The following FARSB variants were observed in gnomAD, a reference collection of about 807,000 sequenced individuals.
FARSB encodes phenylalanyl-tRNA synthetase subunit beta, also known as phenylalanine--tRNA ligase beta subunit.
Under a neutral mutation model 69.6 loss-of-function variants are expected in FARSB, and 40 were observed. The observed-to-expected ratio is 0.57, with a 90% CI of 0.45 to 0.75. The LOEUF (loss-of-function observed/expected upper bound fraction) is 0.75, where lower values mean the gene tolerates loss of function less well. FARSB is among the 30% of genes least tolerant of loss of function. The pLI, the probability that FARSB is intolerant of heterozygous loss-of-function variation, is 0.00. For synonymous variants in FARSB, 235 were observed against 247.2 expected, an observed-to-expected ratio of 0.95 and a Z score of 0.46; for missense variants, 632 against 722.9, an observed-to-expected ratio of 0.87 and a Z score of 1.44.
intron 11 of FARSB, 73 bp from the exon 12 acceptor site, chr2:222,624,552 T>C (rs1036302113): frequency 3.8e-6 from 4 of 1,063,642 alleles, no homozygotes; most frequent in East Asian, 2.4e-5. Context: ...TTTCAACATA[T>C]GCTACTAGCT....
rs780438070 is a variant in FARSB at position 222,632,840 on chromosome 2, CA to C, written c.715+358del. 8.1e-3 allele frequency among the ~76,000 whole-genome samples: 1,002 copies of C among 123,798 alleles called. 3 individuals carry two copies. The highest frequency in any genetic ancestry group is 0.012 in the Non-Finnish European group (704 of 57,206). 81.2% of individuals were successfully genotyped at this position (123,798 alleles called of 152,430 possible). Reference sequence around the variant, plus strand: ...AAAACAAAACAAAAAACAACAACAACAAAAAAAAAAAACAAAAGAAAAAAAA... The same window carrying C: ...AAAACAAAACAAAAAACAACAACAACAAAAAAAAAAACAAAAGAAAAAAAA... On this transcript the variant is annotated intron_variant, in intron 7 of 16. Coordinates refer to ENST00000281828, the MANE Select transcript of FARSB (RefSeq NM_005687.5).
chr2:222,590,694 G>C (rs1690246533), intron 16 of FARSB, among the ~76,000 whole-genome samples: 2 of 152,092 alleles, frequency 1.3e-5, no homozygotes, highest in African/African-American at 4.8e-5. Context: ...TTGTAGAGAT[G>C]CATCTTGTTG....
At chr2:222,573,702 G>A (rs1044164949) in intron 16 of FARSB, among the ~76,000 whole-genome samples, 4 of 152,100 alleles carry the variant, frequency 2.6e-5, no homozygotes, top group African/African-American at 9.7e-5. Flanking sequence ...AGAACTGGAA[G>A]GACTGCTGGG....
intron 2 of FARSB, among the ~76,000 whole-genome samples, chr2:222,646,343 T>C (rs1363673815): frequency 6.6e-6 from 1 of 152,170 alleles, no homozygotes; most frequent in Non-Finnish European, 1.5e-5. Context: ...TCTTGGGTTA[T>C]GAGGTAAGTT....
chr2:222,585,837 A>G (rs1482578898), intron 16 of FARSB, among the ~76,000 whole-genome samples: 5 of 152,344 alleles, frequency 3.3e-5, no homozygotes, highest in African/African-American at 7.2e-5. Context: ...AGAAATGAAC[A>G]AAGCCTCCAA....
At position 222,571,881 on chromosome 2, in the gene FARSB, G is replaced by T; in HGVS notation, c.1760C>A (p.Pro587His). The T allele has an allele frequency of 6.2e-7, 1 of 1,612,550 alleles. No homozygotes were observed. The highest frequency in any genetic ancestry group is 8.5e-7 in the Non-Finnish European group (1 of 1,179,350). ...CACAGAGACCAATCTTCACAAAAAG[G>T]GTCCAACATTGATTTCTAGGGAGGA... ...PCSSLEINVG[P>H]FL Residue 587 changes from proline to histidine, a missense_variant, in exon 17 of 17, where the codon CCC (proline) becomes CAC (histidine). Pro to His is a moderately conservative substitution (Grantham distance 77). Transcript: ENST00000281828.
intron 10 of FARSB, among the ~76,000 whole-genome samples, chr2:222,625,676 A>C (rs749362858): frequency 2.0e-5 from 3 of 152,352 alleles, no homozygotes; most frequent in Non-Finnish European, 4.4e-5. Flanking sequence ...CAAAGTAATA[A>C]TAACTTTTCT....
intron 14 of FARSB, among the ~76,000 whole-genome samples, chr2:222,617,590 A>G (rs1228908565): frequency 6.6e-6 from 1 of 152,200 alleles, no homozygotes; most frequent in African/African-American, 2.4e-5. Context: ...TCTAAAATAA[A>G]AGTTGACAAA....
chr2:222,618,504 TAC>T (rs1419228615), intron 14 of FARSB, among the ~76,000 whole-genome samples: 1 of 152,146 alleles, frequency 6.6e-6, no homozygotes, highest in African/African-American at 2.4e-5. Context: ...TTAAAAAACA[TAC>T]AGACTTGCAT....
chr2:222,616,777 A>G (rs1056902309), intron 14 of FARSB, among the ~76,000 whole-genome samples: 3 of 152,174 alleles, frequency 2.0e-5, no homozygotes, highest in Non-Finnish European at 4.4e-5. Context: ...AGAATTATGC[A>G]GGAGAAGGAA....
chr2:222,590,932 C>T (rs752548747), intron 16 of FARSB, among the ~76,000 whole-genome samples: 2 of 151,976 alleles, frequency 1.3e-5, no homozygotes, highest in African/African-American at 2.4e-5. Flanking sequence ...TAGTCCTACA[C>T]CTTGATAGAA....
Position 222,647,435 on chromosome 2 carries a change from C to T in FARSB, c.114+1305G>A, listed in dbSNP as rs1184470909. ...TTCCTCCCCAGACCTTGAAATCTGA[C>T]CAGCTTTCAGTTTTACTGACTTGGC... On this transcript the variant is annotated intron_variant, in intron 2 of 16. Coordinates refer to ENST00000281828, the MANE Select transcript of FARSB (RefSeq NM_005687.5). Among the ~76,000 whole-genome samples, 5 of 152,206 alleles carry T rather than the reference C, an allele frequency of 3.3e-5. No individual in the cohort carries two copies. The South Asian group carries it at 8.3e-4, about 25-fold the overall frequency.
At chr2:222,582,920 G>A in intron 16 of FARSB, among the ~76,000 whole-genome samples, 1 of 149,548 alleles carries the variant, frequency 6.7e-6, no homozygotes, top group Admixed American at 6.7e-5. Context: ...GCAAGACTAT[G>A]TCTCCAAAAG....
Position 222,587,035 on chromosome 2 carries a change from C to G in FARSB, c.1618+12893G>C, listed in dbSNP as rs1690133579. On this transcript the variant is annotated intron_variant, in intron 16 of 16. Coordinates refer to ENST00000281828, the MANE Select transcript of FARSB (RefSeq NM_005687.5). ...ATAGACATCTGCAGAACTCTCCATC[C>G]CAAATCAACAGAATATACATTCTTC... 2.0e-5 allele frequency among the ~76,000 whole-genome samples: 3 copies of G among 152,206 alleles called. No homozygotes were observed. The South Asian group carries it at 6.2e-4, about 31-fold the overall frequency.
chr2:222,589,284 T>A, intron 16 of FARSB, among the ~76,000 whole-genome samples: 1 of 152,174 alleles, frequency 6.6e-6, no homozygotes, highest in Non-Finnish European at 1.5e-5. Context: ...ATTTAACAAA[T>A]GGCGCTGGGA....
At chr2:222,579,652 A>G (rs1290627924) in intron 16 of FARSB, among the ~76,000 whole-genome samples, 1 of 152,304 alleles carries the variant, frequency 6.6e-6, no homozygotes, top group Admixed American at 6.5e-5. Context: ...TAAAACTAGA[A>G]ATGACCTTGG....
intron 5 of FARSB, among the ~76,000 whole-genome samples, chr2:222,636,365 G>A (rs1460418216): frequency 1.4e-5 from 2 of 140,880 alleles, no homozygotes; most frequent in African/African-American, 5.4e-5. Flanking sequence ...CAGCCTGGGC[G>A]AGAGTGCGAG....
intron 1 of FARSB, among the ~76,000 whole-genome samples, chr2:222,652,202 C>T (rs1055490663): frequency 6.6e-6 from 1 of 152,176 alleles, no homozygotes; most frequent in Non-Finnish European, 1.5e-5. Flanking sequence ...ACATCTGGTC[C>T]TGATTTAGAT....
At chr2:222,626,392 A>T (rs1691276870) in intron 10 of FARSB, among the ~76,000 whole-genome samples, 1 of 151,920 alleles carries the variant, frequency 6.6e-6, no homozygotes, top group Non-Finnish European at 1.5e-5. Context: ...TTAAAACTTT[A>T]TTTTTTTCTA....
Sources: allele counts gnomAD v4.1 joint callset (sites outside exome capture counted in the v4.1 genomes callset), GRCh38; gene constraint gnomAD v4.1.1; transcripts MANE v1.5; gene names NCBI Gene and HGNC (gene_info 2026-07-23, HGNC 2026-07-21).